Variants in GPC6 observed in about 807,000 individuals in gnomAD.
GPC6 encodes the protein glypican-6.
In GPC6, 14 loss-of-function variants were observed where a neutral mutation model predicts 55.2. That is an observed-to-expected ratio of 0.25 (90% CI 0.17 to 0.40). The LOEUF (loss-of-function observed/expected upper bound fraction) is 0.40, where lower values mean the gene tolerates loss of function less well. Among genes scored for constraint, GPC6 ranks in the 10% least tolerant of loss-of-function variants. GPC6 has a pLI of 1.00. For synonymous variants in GPC6, 278 were observed against 259.6 expected (o/e 1.07, Z -0.68); for missense variants, 641 against 708.5 (o/e 0.90, Z 1.08).
At chr13:93,564,600 A>G (rs1324847708) in intron 2 of GPC6, among the ~76,000 whole-genome samples, 1 of 152,216 alleles carries the variant, frequency 6.6e-6, no homozygotes, top group Non-Finnish European at 1.5e-5. Context: ...TTTAAAAGTG[A>G]CCATGTTCAC....
intron 3 of GPC6, among the ~76,000 whole-genome samples, chr13:93,867,458 G>T (rs1889002784): frequency 6.6e-6 from 1 of 151,586 alleles, no homozygotes; most frequent in Admixed American, 6.6e-5. Context: ...TCTAAAATAG[G>T]GTTATTAATA....
At chr13:93,943,913 T>A (rs1005790672) in intron 3 of GPC6, among the ~76,000 whole-genome samples, 2 of 152,188 alleles carry the variant, frequency 1.3e-5, no homozygotes, top group Non-Finnish European at 2.9e-5. Context: ...TTGATTAAAA[T>A]GTATTTTATG....
intron 6 of GPC6, among the ~76,000 whole-genome samples, chr13:94,341,585 C>CA (rs34492618): frequency 0.21 from 16,679 of 79,352 alleles, 1,194 homozygotes; most frequent in East Asian, 0.39. Context: ...AACTCCGTCT[C>CA]AAAAAAAAAA....
intron 1 of GPC6, among the ~76,000 whole-genome samples, chr13:93,228,163 G>A (rs957951128): frequency 1.9e-4 from 29 of 152,156 alleles, no homozygotes; most frequent in African/African-American, 6.8e-4. Context: ...CGCTCGGGCC[G>A]GGGGCGGGCA....
intron 2 of GPC6, among the ~76,000 whole-genome samples, chr13:93,725,967 C>G (rs1330157012): frequency 6.6e-6 from 1 of 151,916 alleles, no homozygotes; most frequent in Non-Finnish European, 1.5e-5. Flanking sequence ...AATTAGAATG[C>G]TTTCATTTTG....
intron 1 of GPC6, among the ~76,000 whole-genome samples, chr13:93,230,488 A>C (rs1283441709): frequency 6.6e-6 from 1 of 152,126 alleles, no homozygotes; most frequent in African/African-American, 2.4e-5. Context: ...CAGATAGACT[A>C]TTTATCCTTG....
chr13:93,590,645 G>A (rs1877419705), intron 2 of GPC6, among the ~76,000 whole-genome samples: 1 of 152,026 alleles, frequency 6.6e-6, no homozygotes. Flanking sequence ...ATATTTTCAA[G>A]AGATATGCAT....
chr13:93,956,186 T>C (rs1467639297), intron 3 of GPC6, among the ~76,000 whole-genome samples: 1 of 152,018 alleles, frequency 6.6e-6, no homozygotes, highest in African/African-American at 2.4e-5. Context: ...CTTCTCTCAC[T>C]CTCTCCACTG....
At chr13:94,067,319 G>A (rs1278504697) in intron 4 of GPC6, among the ~76,000 whole-genome samples, 1 of 152,024 alleles carries the variant, frequency 6.6e-6, no homozygotes, top group Admixed American at 6.6e-5. Context: ...CTGAGGAAAA[G>A]GAGATCTACA....
chr13:93,408,261 A>G lies in GPC6; in HGVS notation c.161-137002A>G, dbSNP rs149608235. 3.3e-3 allele frequency among the ~76,000 whole-genome samples: 496 copies of G among 152,308 alleles called. 7 individuals carry two copies. The highest frequency in any genetic ancestry group is 0.011 in the African/African-American group (469 of 41,570). On this transcript the variant is annotated intron_variant, in intron 1 of 8. Coordinates refer to ENST00000377047, the MANE Select transcript of GPC6 (RefSeq NM_005708.5). ...CATTTCAAACTATGTTTAATCATTTATAAAAATACAGATCTTTATAGAGAA... is the reference window on the plus strand; with the variant it reads ...CATTTCAAACTATGTTTAATCATTTGTAAAAATACAGATCTTTATAGAGAA...
At chr13:93,764,954 C>T (rs1885067475) in intron 2 of GPC6, among the ~76,000 whole-genome samples, 1 of 152,048 alleles carries the variant, frequency 6.6e-6, no homozygotes, top group African/African-American at 2.4e-5. Flanking sequence ...CGCGTGCCAC[C>T]ACGTCCAGCT....
chr13:93,841,841 A>T (rs905924831), intron 3 of GPC6, among the ~76,000 whole-genome samples: 6 of 152,208 alleles, frequency 3.9e-5, no homozygotes, highest in African/African-American at 1.2e-4. Context: ...GTGTCTGAAG[A>T]AGTGAGGAAG....
At chr13:93,307,311 G>A (rs1305788884) in intron 1 of GPC6, among the ~76,000 whole-genome samples, 1 of 151,914 alleles carries the variant, frequency 6.6e-6, no homozygotes, top group African/African-American at 2.4e-5. Context: ...TACTCTTATT[G>A]TTATTTCACA....
intron 1 of GPC6, among the ~76,000 whole-genome samples, chr13:93,385,601 C>T (rs554618061): frequency 6.6e-6 from 1 of 152,074 alleles, no homozygotes; most frequent in Non-Finnish European, 1.5e-5. Context: ...ATGTTTAACT[C>T]GACAATCTGA....
At position 93,237,521 on chromosome 13, in the gene GPC6, G is replaced by C. The variant is rs1304767902; in HGVS notation, c.160+9905G>C. 2.6e-5 allele frequency among the ~76,000 whole-genome samples: 4 copies of C among 152,060 alleles called. No homozygotes were observed. The East Asian group carries it at 7.7e-4, about 29-fold the overall frequency. On this transcript the variant is annotated intron_variant, in intron 1 of 8. Transcript: ENST00000377047. ...AATCTTTTCTTTCATTCTGTAGTTTGTTTACTCTTTTGATTATTTCCTTTG... is the reference window on the plus strand; with the variant it reads ...AATCTTTTCTTTCATTCTGTAGTTTCTTTACTCTTTTGATTATTTCCTTTG...
intron 3 of GPC6, among the ~76,000 whole-genome samples, chr13:93,851,449 T>G (rs975383544): frequency 6.6e-6 from 1 of 151,856 alleles, no homozygotes; most frequent in Non-Finnish European, 1.5e-5. Flanking sequence ...CACAGTGCCA[T>G]CTAACAGTCA....
intron 3 of GPC6, among the ~76,000 whole-genome samples, chr13:94,018,200 T>G (rs1411216005): frequency 1.3e-5 from 2 of 152,214 alleles, no homozygotes; most frequent in African/African-American, 4.8e-5. Context: ...CTTTGTTCTC[T>G]TACTAGACAC....
At chr13:93,682,388 G>T (rs556067584) in intron 2 of GPC6, among the ~76,000 whole-genome samples, 1 of 152,196 alleles carries the variant, frequency 6.6e-6, no homozygotes, top group African/African-American at 2.4e-5. Flanking sequence ...AGTGCGACTG[G>T]ACCCTTATGC....
chr13:93,710,470 CT>C (rs1337923206), intron 2 of GPC6, among the ~76,000 whole-genome samples: 3 of 151,632 alleles, frequency 2.0e-5, no homozygotes, highest in African/African-American at 7.3e-5. Context: ...AGATATGATC[CT>C]TGTGATGTAC....
Sources: gnomAD v4.1 joint callset for allele counts (sites outside exome capture counted in the v4.1 genomes callset) on GRCh38, gnomAD v4.1.1 for gene constraint, MANE v1.5 for transcripts, NCBI Gene and HGNC (gene_info 2026-07-23, HGNC 2026-07-21) for gene names.